LAMA3: variants seen among roughly 807,000 people sequenced by gnomAD.
LAMA3 encodes laminin subunit alpha 3.
LAMA3 carries 281 observed loss-of-function variants against 402.0 expected under a neutral mutation model. That is an observed-to-expected ratio of 0.70 (90% CI 0.63 to 0.77). The LOEUF (loss-of-function observed/expected upper bound fraction) is 0.77. Among genes scored for constraint, LAMA3 ranks in the 30% least tolerant of loss-of-function variants. The pLI, the probability that LAMA3 is intolerant of heterozygous loss-of-function variation, is 0.00. For missense variants in LAMA3, 3,840 were observed against 4,215.5 expected (o/e 0.91, Z 2.47); for synonymous variants, 1,431 against 1,558.4 (o/e 0.92, Z 1.93).
intron 2 of LAMA3, among the ~76,000 whole-genome samples, chr18:23,737,907 C>T (rs999652491): frequency 2.6e-5 from 4 of 152,198 alleles, no homozygotes; most frequent in Non-Finnish European, 4.4e-5. Flanking sequence ...GACCGCTCAG[C>T]GGAGGCCTGA....
Position 23,689,809 on chromosome 18 carries a change from G to T in LAMA3, c.126G>T (p.Ala42=). 1 of 1,538,590 alleles carries T rather than the reference G, an allele frequency of 6.5e-7. No homozygotes were observed. Among genetic ancestry groups the T allele is most frequent in the Admixed American group, 2.0e-5 (1 of 51,208 alleles). ...CGATARDPGA[A]AGLSLHPTYF... is the part of the protein sequence containing the mutation. ...CGACCGCTCGGGATCCCGGGGCCGCGGCCGGGCTCAGCCTTCACCCGACTT... is the reference window on the plus strand; with the variant it reads ...CGACCGCTCGGGATCCCGGGGCCGCTGCCGGGCTCAGCCTTCACCCGACTT... Residue 42 remains alanine, a synonymous_variant, in exon 1 of 75, where the codon GCG becomes GCT. Coordinates refer to ENST00000313654, the MANE Select transcript of LAMA3 (RefSeq NM_198129.4).
intron 23 of LAMA3, among the ~76,000 whole-genome samples, chr18:23,829,820 A>G (rs918066439): frequency 1.3e-5 from 2 of 152,114 alleles, no homozygotes; most frequent in African/African-American, 4.8e-5. Context: ...TACACTCTGT[A>G]TGTCCATATG....
intron 44 of LAMA3, 186 bp from the exon 45 acceptor site, chr18:23,898,552 G>T (rs568335889): frequency 1.8e-5 from 11 of 609,802 alleles, no homozygotes; most frequent in East Asian, 5.5e-5. Flanking sequence ...TTATTTTAGA[G>T]CCATATCACA....
At chr18:23,750,250 T>A (rs1436341620) in intron 4 of LAMA3, among the ~76,000 whole-genome samples, 2 of 152,174 alleles carry the variant, frequency 1.3e-5, no homozygotes, top group Admixed American at 6.5e-5. Context: ...ATAATGAATA[T>A]GAACTGAGTT....
chr18:23,899,545 G>A (rs1483127684), intron 47 of LAMA3, 90 bp downstream of exon 47: 5 of 1,292,744 alleles, frequency 3.9e-6, no homozygotes, highest in East Asian at 2.4e-5. Context: ...CCCCGTTATA[G>A]GTGGAAGGCC....
chr18:23,719,627 A>G (rs533341504), intron 2 of LAMA3, among the ~76,000 whole-genome samples: 30 of 152,132 alleles, frequency 2.0e-4, no homozygotes, highest in East Asian at 9.6e-4. Flanking sequence ...ACAGGATCCA[A>G]TCATCTGAGA....
rs778070906 is a variant in LAMA3 at position 23,784,156 on chromosome 18, A to G, written c.1602A>G (p.Gln534=). ...RSGFYSFPIC[Q]ACWCSALGSY... is the part of the protein sequence containing the mutation. ...GTTTCTACTCATTCCCTATTTGCCAAGGTAAGTGGGCAGAACATAGCATAT... is the reference window on the plus strand; with the variant it reads ...GTTTCTACTCATTCCCTATTTGCCAGGGTAAGTGGGCAGAACATAGCATAT... Residue 534 remains glutamine, a splice_region_variant and synonymous_variant, in exon 12 of 75, where the codon CAA becomes CAG. Transcript: ENST00000313654. 1.2e-6 allele frequency: 2 copies of G among 1,614,012 alleles called. No homozygotes were observed. Among genetic ancestry groups the G allele is most frequent in the African/African-American group, 1.3e-5 (1 of 74,890 alleles).
At chr18:23,871,285 G>A (rs2064509385) in intron 37 of LAMA3, 146 bp from the exon 38 acceptor site, 1 of 719,908 alleles carries the variant, frequency 1.4e-6, no homozygotes, top group Non-Finnish European at 2.5e-6. Flanking sequence ...AATACTCCAG[G>A]AGGCAGGTAT....
intron 12 of LAMA3, among the ~76,000 whole-genome samples, chr18:23,803,555 C>G (rs182548551): frequency 4.6e-5 from 7 of 152,214 alleles, no homozygotes; most frequent in Admixed American, 3.9e-4. Flanking sequence ...CCAGATCTTC[C>G]TGTCACCAAT....
At chr18:23,866,262 G>C (rs911327112) in intron 36 of LAMA3, among the ~76,000 whole-genome samples, 2 of 152,190 alleles carry the variant, frequency 1.3e-5, no homozygotes, top group African/African-American at 4.8e-5. Context: ...GGGTGCCACT[G>C]CCTGAAGTCG....
intron 12 of LAMA3, among the ~76,000 whole-genome samples, chr18:23,796,422 A>G (rs909687400): frequency 6.6e-6 from 1 of 152,192 alleles, no homozygotes; most frequent in African/African-American, 2.4e-5. Context: ...CCCCCATGGT[A>G]AAATCAAGGT....
chr18:23,713,311 T>C (rs1368557940), intron 1 of LAMA3, among the ~76,000 whole-genome samples: 2 of 152,222 alleles, frequency 1.3e-5, no homozygotes, highest in Non-Finnish European at 2.9e-5. Flanking sequence ...CTACCTGGAA[T>C]GCTTTCCCTG....
intron 12 of LAMA3, among the ~76,000 whole-genome samples, chr18:23,791,123 G>A (rs1486958528): frequency 1.3e-5 from 2 of 152,062 alleles, no homozygotes; most frequent in African/African-American, 2.4e-5. Flanking sequence ...TGATCCGCCC[G>A]CCTCAGCCTC....
rs377268403 is a variant in LAMA3, at chr18:23,864,784, G to A, written c.4585-1G>A. On this transcript the variant is annotated splice_acceptor_variant, in intron 35 of 74. Coordinates refer to ENST00000313654, the MANE Select transcript of LAMA3 (RefSeq NM_198129.4). LOFTEE classifies it high-confidence loss of function. ...TATTGATGCTATTAATTCCATTTTA[G>A]GTTTCTTCATATGGTGGTTACCTCA... 7.5e-6 allele frequency: 12 copies of A among 1,593,034 alleles called. No homozygotes were observed. In the African/African-American group the frequency reaches 1.5e-4, roughly 20 times the overall value.
intron 24 of LAMA3, 108 bp downstream of exon 24, chr18:23,834,096 G>A (rs2063537766): frequency 1.5e-6 from 2 of 1,326,514 alleles, no homozygotes; most frequent in South Asian, 1.2e-5. Flanking sequence ...TTTTGAGGCA[G>A]CTCTTGAAAA....
intron 20 of LAMA3, among the ~76,000 whole-genome samples, chr18:23,823,567 C>T (rs189012803): frequency 1.1e-4 from 16 of 152,292 alleles, no homozygotes; most frequent in Non-Finnish European, 2.4e-4. Flanking sequence ...TCTTCTAGTC[C>T]TTATTCCTCT....
At chr18:23,755,558 A>G (rs953302557) in intron 6 of LAMA3, among the ~76,000 whole-genome samples, 1 of 152,224 alleles carries the variant, frequency 6.6e-6, no homozygotes, top group African/African-American at 2.4e-5. Flanking sequence ...CTGGACAATC[A>G]GAAAAATTAC....
rs776052798 is a variant in LAMA3, at chr18:23,814,481, G to C, written c.1867G>C (p.Glu623Gln). 1.9e-6 allele frequency: 3 copies of C among 1,612,408 alleles called. No homozygotes were observed. The change falls in exon 15 of 75, where the codon GAA (glutamate) becomes CAA (glutamine). Residue 623 changes from glutamate to glutamine, a missense_variant. Physicochemically the swap from Glu to Gln is conservative, Grantham distance 29 (BLOSUM62 2). Transcript: ENST00000313654. The stretch of plus-strand genomic sequence containing the variant: ...ACTGTTATATTGGAATCTGGACAAA[G>C]AAAACCCCAGTGGATGTTCAGGTAG... ...CKLLYWNLDKENPSGCSECKC... is the reference protein window; with the variant it reads ...CKLLYWNLDKQNPSGCSECKC...
chr18:23,856,060 T>C (rs994230902), intron 32 of LAMA3, among the ~76,000 whole-genome samples: 2 of 152,198 alleles, frequency 1.3e-5, no homozygotes, highest in Non-Finnish European at 2.9e-5. Flanking sequence ...CTCACGACAA[T>C]CCTGTGAAGT....
Sources: allele counts gnomAD v4.1 joint callset (sites outside exome capture counted in the v4.1 genomes callset), GRCh38; gene constraint gnomAD v4.1.1; transcripts MANE v1.5; gene names NCBI Gene and HGNC (gene_info 2026-07-23, HGNC 2026-07-21).